Variants in STRN3 observed in about 807,000 individuals in gnomAD.
STRN3 encodes the protein striatin 3.
STRN3 carries 29 observed loss-of-function variants against 95.6 expected under a neutral mutation model. The observed-to-expected ratio is 0.30, with a 90% CI of 0.23 to 0.41. STRN3 has a LOEUF of 0.41. Ranked by LOEUF, STRN3 falls within the 10% of genes least tolerant of loss-of-function variation. The pLI is 1.00. For missense variants in STRN3, 890 were observed against 972.1 expected (o/e 0.92, Z 1.12); for synonymous variants, 331 against 357.6 (o/e 0.93, Z 0.84).
intron 1 of STRN3, among the ~76,000 whole-genome samples, chr14:30,966,689 C>T (rs538915737): frequency 1.3e-5 from 2 of 152,106 alleles, no homozygotes; most frequent in Admixed American, 1.3e-4. Context: ...TAAATGTGTG[C>T]GTGCGTGAAT....
intron 1 of STRN3, among the ~76,000 whole-genome samples, chr14:31,010,687 T>C (rs1196695316): frequency 1.3e-5 from 2 of 152,128 alleles, no homozygotes; most frequent in South Asian, 4.1e-4. Flanking sequence ...AATTTATTCA[T>C]TTCAAAGGGA....
At chr14:30,979,484 A>C (rs1881279922) in intron 1 of STRN3, among the ~76,000 whole-genome samples, 1 of 152,222 alleles carries the variant, frequency 6.6e-6, no homozygotes. Context: ...ACTTGTTTCC[A>C]TATACAATTT....
chr14:30,921,276 T>C (rs549797719), intron 8 of STRN3, among the ~76,000 whole-genome samples: 1 of 152,332 alleles, frequency 6.6e-6, no homozygotes, highest in African/African-American at 2.4e-5. Flanking sequence ...AATTATATGA[T>C]AGTTAATGTG....
chr14:31,010,481 C>T (rs179717), intron 1 of STRN3, among the ~76,000 whole-genome samples: 95,847 of 149,992 alleles, frequency 0.64, 31,461 homozygotes, highest in Non-Finnish European at 0.73. Context: ...AAATAATCTA[C>T]TTTATAATGT....
chr14:31,011,833 A>T (rs936406881), intron 1 of STRN3, among the ~76,000 whole-genome samples: 1 of 152,070 alleles, frequency 6.6e-6, no homozygotes, highest in Non-Finnish European at 1.5e-5. Flanking sequence ...TAATCCCAGC[A>T]CTTTGGGAGG....
chr14:30,955,312 CA>C (rs1879845949), intron 3 of STRN3, among the ~76,000 whole-genome samples: 1 of 152,110 alleles, frequency 6.6e-6, no homozygotes, highest in African/African-American at 2.4e-5. Flanking sequence ...AACTCAAAAA[CA>C]ATTAACTAAA....
intron 1 of STRN3, among the ~76,000 whole-genome samples, chr14:30,996,167 G>A (rs1882189712): frequency 6.6e-6 from 1 of 152,228 alleles, no homozygotes; most frequent in South Asian, 2.1e-4. Context: ...AGCTCCCCCA[G>A]GGAACTCAAT....
intron 5 of STRN3, among the ~76,000 whole-genome samples, chr14:30,937,650 A>C (rs1214383630): frequency 6.6e-6 from 1 of 152,178 alleles, no homozygotes; most frequent in Non-Finnish European, 1.5e-5. Flanking sequence ...TTCACCATGA[A>C]AATTCTCTGC....
In STRN3 at chr14:30,947,276, AT is replaced by A; in HGVS notation, c.543-14del. ...TTCCTGAAGATACCTGTAAGAGAAAATAAATATTAAAATCCACATACTGTTA... is the reference window on the plus strand; with the variant it reads ...TTCCTGAAGATACCTGTAAGAGAAAAAAATATTAAAATCCACATACTGTTA... On this transcript the variant is annotated splice_polypyrimidine_tract_variant and intron_variant, in intron 4 of 17. Transcript: ENST00000357479. 1 of 1,559,868 alleles carries A rather than the reference AT, an allele frequency of 6.4e-7. No homozygotes were observed. Among genetic ancestry groups the A allele is most frequent in the Non-Finnish European group, 8.6e-7 (1 of 1,157,708 alleles).
chr14:31,016,585 C>T (rs1883246659), intron 1 of STRN3, among the ~76,000 whole-genome samples: 2 of 151,868 alleles, frequency 1.3e-5, no homozygotes, highest in African/African-American at 4.8e-5. Context: ...GCTCTGTCGC[C>T]CAGGCTAGAG....
At chr14:31,008,818 C>T (rs1276469454) in intron 1 of STRN3, among the ~76,000 whole-genome samples, 1 of 152,130 alleles carries the variant, frequency 6.6e-6, no homozygotes, top group African/African-American at 2.4e-5. Flanking sequence ...GCAAGTGGAT[C>T]ACTCAAGGTC....
intron 1 of STRN3, among the ~76,000 whole-genome samples, chr14:30,974,744 T>C (rs1881005727): frequency 6.6e-6 from 1 of 152,020 alleles, no homozygotes; most frequent in Non-Finnish European, 1.5e-5. Flanking sequence ...GAGTAGAGGC[T>C]AAAGTGAGCT....
chr14:30,906,247 T>C (rs1896457934), intron 14 of STRN3, among the ~76,000 whole-genome samples: 1 of 152,170 alleles, frequency 6.6e-6, no homozygotes, highest in Non-Finnish European at 1.5e-5. Context: ...CTACGGTGTC[T>C]AAGAGACACA....
chr14:30,986,535 A>G (rs569315530), intron 1 of STRN3, among the ~76,000 whole-genome samples: 1 of 152,328 alleles, frequency 6.6e-6, no homozygotes, highest in Non-Finnish European at 1.5e-5. Flanking sequence ...TTTAGCTACT[A>G]ACACTATTCC....
At chr14:30,995,443 C>T (rs1042976473) in intron 1 of STRN3, among the ~76,000 whole-genome samples, 2 of 152,126 alleles carry the variant, frequency 1.3e-5, no homozygotes, top group Non-Finnish European at 2.9e-5. Context: ...ATAACCCTCT[C>T]TCTTGTTCTT....
At chr14:31,025,846 ACC>A in intron 1 of STRN3, 56 bp downstream of exon 1, 1 of 1,553,914 alleles carries the variant, frequency 6.4e-7, no homozygotes, top group South Asian at 1.2e-5. Flanking sequence ...CCCCAGCCCC[ACC>A]CCCCGGCCGG....
intron 1 of STRN3, among the ~76,000 whole-genome samples, chr14:30,966,452 C>A: frequency 6.6e-6 from 1 of 152,158 alleles, no homozygotes; most frequent in Non-Finnish European, 1.5e-5. Context: ...GTTTCTCTCT[C>A]GTGAGGAGGT....
chr14:30,953,931 G>C lies in STRN3; in HGVS notation c.460+1689C>G, dbSNP rs117023498. Among the ~76,000 whole-genome samples the C allele has an allele frequency of 1.8e-3, 277 of 152,156 alleles. 5 individuals carry two copies. The East Asian group carries it at 0.032, about 17-fold the overall frequency. On this transcript the variant is annotated intron_variant, in intron 3 of 17. Transcript: ENST00000357479. ...GGAATGAGCCACAGCACCTGGCCTA[G>C]GTATGTTATATCCTCTTTAATAATA...
At chr14:30,963,184 A>G (rs985138116) in intron 1 of STRN3, among the ~76,000 whole-genome samples, 4 of 152,240 alleles carry the variant, frequency 2.6e-5, no homozygotes, top group African/African-American at 7.2e-5. Flanking sequence ...AACAGAACGG[A>G]GAACAGACAA....
Sources: allele counts gnomAD v4.1 joint callset (sites outside exome capture counted in the v4.1 genomes callset), GRCh38; gene constraint gnomAD v4.1.1; transcripts MANE v1.5; gene names NCBI Gene and HGNC (gene_info 2026-07-23, HGNC 2026-07-21).